VAV2: variants seen among roughly 807,000 people sequenced by gnomAD.
VAV2 encodes the protein guanine nucleotide exchange factor VAV2.
In VAV2, 67 loss-of-function variants were observed where a neutral mutation model predicts 132.5. The observed-to-expected ratio is 0.51, with a 90% confidence interval of 0.42 to 0.62. The LOEUF (loss-of-function observed/expected upper bound fraction) is 0.62, where lower values mean the gene tolerates loss of function less well. Ranked by LOEUF, VAV2 falls within the 20% of genes least tolerant of loss-of-function variation. The pLI is 0.00. For synonymous variants in VAV2, 492 were observed against 443.5 expected (o/e 1.11, Z -1.37); for missense variants, 938 against 1,153.6 (o/e 0.81, Z 2.71).
chr9:133,818,668 T>A (rs908845624), intron 4 of VAV2, among the ~76,000 whole-genome samples: 2 of 152,302 alleles, frequency 1.3e-5, no homozygotes, highest in East Asian at 3.9e-4. Flanking sequence ...CATAAGCCAA[T>A]TCCCATAATA....
chr9:133,790,845 G>A (rs570879764), intron 13 of VAV2, among the ~76,000 whole-genome samples: 6 of 152,194 alleles, frequency 3.9e-5, no homozygotes, highest in East Asian at 3.9e-4. Flanking sequence ...CCTGGCCATC[G>A]GGGACCTTCC....
chr9:133,857,995 C>T lies in VAV2; in HGVS notation c.380+3379G>A, dbSNP rs916353449. 2.0e-5 allele frequency among the ~76,000 whole-genome samples: 3 copies of T among 152,188 alleles called. No individual in the cohort carries two copies. Among genetic ancestry groups the T allele is most frequent in the Admixed American group, 1.3e-4 (2 of 15,282 alleles). Reference sequence around the variant, plus strand: ...CTTTGGCCTGCAAACACCTCCCCTTCGTCTCTCATGTCTGCCTATCCTGTG... The same window carrying T: ...CTTTGGCCTGCAAACACCTCCCCTTTGTCTCTCATGTCTGCCTATCCTGTG... On this transcript the variant is annotated intron_variant, in intron 3 of 29. Transcript: ENST00000371850. The surrounding 1 kb of genome is among the most constrained non-coding windows in gnomAD (Gnocchi z 4.0).
Position 133,790,128 on chromosome 9 carries a change from A to G in VAV2, c.1189-785T>C, listed in dbSNP as rs185058486. 7.7e-3 allele frequency among the ~76,000 whole-genome samples: 1,170 copies of G among 152,280 alleles called. 26 individuals are homozygous for G. Among genetic ancestry groups the G allele is most frequent in the Admixed American group, 0.043 (653 of 15,300 alleles). ...GGGATTCAGAGCCAGGACTGGGTAC[A>G]GGGCCTGGCTCATGGGGATGCTCGA... is the stretch of plus-strand genomic sequence containing the variant. On this transcript the variant is annotated intron_variant, in intron 13 of 29. Coordinates refer to ENST00000371850, the MANE Select transcript of VAV2 (RefSeq NM_001134398.2).
chr9:133,986,493 CTGCTGTTGGCTGGATGGAGACGGATTGA>C (rs1323447677), intron 1 of VAV2, among the ~76,000 whole-genome samples: 4 of 152,170 alleles, frequency 2.6e-5, no homozygotes, highest in African/African-American at 4.8e-5. Flanking sequence ...TCACGGATTG[CTGCTGTTGGCTGGATGGAGACGGATTGA>C]TGCTGTTGGC....
At chr9:133,822,545 G>A (rs114413676) in intron 4 of VAV2, among the ~76,000 whole-genome samples, 1 of 152,274 alleles carries the variant, frequency 6.6e-6, no homozygotes, top group African/African-American at 2.4e-5. Flanking sequence ...ACACGCCCTG[G>A]CAGACCCTCA....
chr9:133,818,498 C>G (rs1457536682), intron 4 of VAV2, among the ~76,000 whole-genome samples: 2 of 152,164 alleles, frequency 1.3e-5, no homozygotes, highest in Non-Finnish European at 2.9e-5. Context: ...CCAGCACCTG[C>G]CCATCCCACA....
intron 8 of VAV2, among the ~76,000 whole-genome samples, chr9:133,806,414 C>T (rs1835146173): frequency 6.6e-6 from 1 of 152,176 alleles, no homozygotes; most frequent in Admixed American, 6.5e-5. Flanking sequence ...CGCCCACAGC[C>T]CGCACCAGCC....
intron 13 of VAV2, among the ~76,000 whole-genome samples, 172 bp from the exon 14 acceptor site, chr9:133,789,515 A>G (rs192933323): frequency 1.5e-3 from 221 of 152,270 alleles, no homozygotes; most frequent in African/African-American, 5.2e-3. Context: ...TGGACGAGGG[A>G]GGGTGCAGAA....
chr9:133,937,616 G>A (rs1401490712), intron 2 of VAV2, among the ~76,000 whole-genome samples: 2 of 152,118 alleles, frequency 1.3e-5, no homozygotes, highest in Non-Finnish European at 2.9e-5. Context: ...CCAGGGTGCT[G>A]CAGGCAAATT....
intron 2 of VAV2, among the ~76,000 whole-genome samples, chr9:133,894,480 G>T (rs1031047139): frequency 2.0e-5 from 3 of 152,202 alleles, no homozygotes; most frequent in Admixed American, 1.3e-4. Flanking sequence ...CGCCCTCTGA[G>T]CCCAAAGGAG....
chr9:133,777,714 T>C (rs986890664), intron 22 of VAV2, among the ~76,000 whole-genome samples: 9 of 151,754 alleles, frequency 5.9e-5, no homozygotes, highest in Non-Finnish European at 1.0e-4. Flanking sequence ...CCCAAGAAGC[T>C]GGCAGCCCTG....
rs375292052 is a variant in VAV2 at position 133,770,510 on chromosome 9, C to A, written c.2224-9G>T. 1 of 1,613,368 alleles carries A rather than the reference C, an allele frequency of 6.2e-7. No individual in the cohort carries two copies. ...TAGTACTCCACCAACTCCTGCAGGG[C>A]GTACACACTCACTGACAGCTGCTGC... On this transcript the variant is annotated splice_polypyrimidine_tract_variant and intron_variant, in intron 26 of 29. Coordinates refer to ENST00000371850, the MANE Select transcript of VAV2 (RefSeq NM_001134398.2).
intron 1 of VAV2, among the ~76,000 whole-genome samples, chr9:133,982,665 C>T (rs1267899213): frequency 6.6e-6 from 1 of 152,140 alleles, no homozygotes; most frequent in South Asian, 2.1e-4. Flanking sequence ...TTTTGCAGGG[C>T]GCGCCGCCTG....
chr9:133,909,924 G>A (rs1354632942), intron 2 of VAV2, among the ~76,000 whole-genome samples: 2 of 152,152 alleles, frequency 1.3e-5, no homozygotes, highest in East Asian at 3.8e-4. Context: ...GCAAGGGCAG[G>A]GCTGGGGGCC....
chr9:133,939,806 C>T (rs541897689), intron 1 of VAV2, among the ~76,000 whole-genome samples: 1 of 152,238 alleles, frequency 6.6e-6, no homozygotes, highest in Admixed American at 6.5e-5. Flanking sequence ...AGGGGCCACC[C>T]CCAAGAAGCC....
chr9:133,988,217 T>A (rs565458570), intron 1 of VAV2, among the ~76,000 whole-genome samples: 7 of 151,906 alleles, frequency 4.6e-5, no homozygotes, highest in African/African-American at 1.7e-4. Flanking sequence ...CAGCCAGGGA[T>A]CACAGGCACC....
Position 133,788,235 on chromosome 9 carries a change from C to A in VAV2, c.1407+119G>T. ...CAGAGCGGAGACGCCCACCCCAACCCACCCGGCCAGCATCAGCGGCTGACT... is the reference window on the plus strand; with the variant it reads ...CAGAGCGGAGACGCCCACCCCAACCAACCCGGCCAGCATCAGCGGCTGACT... On this transcript the variant is annotated intron_variant, in intron 15 of 29. Coordinates refer to ENST00000371850, the MANE Select transcript of VAV2 (RefSeq NM_001134398.2). The surrounding 1 kb of genome is among the most constrained non-coding windows in gnomAD (Gnocchi z 5.3). The A allele has an allele frequency of 1.4e-5, 14 of 998,860 alleles. No individual in the cohort carries two copies. Among genetic ancestry groups the A allele is most frequent in the Non-Finnish European group, 2.1e-5 (14 of 680,460 alleles). The allele number at this position is 998,860 out of a possible 1,614,324, so 61.9% of individuals were successfully genotyped here.
At chr9:133,861,245 C>A in intron 3 of VAV2, 129 bp downstream of exon 3, 2 of 1,044,086 alleles carry the variant, frequency 1.9e-6, no homozygotes, top group Non-Finnish European at 2.6e-6. Flanking sequence ...CGCGACAACA[C>A]GCTGCAAATG....
At chr9:133,909,292 T>G (rs1349539132) in intron 2 of VAV2, among the ~76,000 whole-genome samples, 4 of 152,146 alleles carry the variant, frequency 2.6e-5, no homozygotes. Context: ...CCCAAGTCCC[T>G]GGCCTGGAAG....
Sources: allele counts gnomAD v4.1 joint callset (sites outside exome capture counted in the v4.1 genomes callset), GRCh38; gene constraint gnomAD v4.1.1; non-coding constraint Gnocchi (gnomAD v3.1); transcripts MANE v1.5; gene names NCBI Gene and HGNC (gene_info 2026-07-23, HGNC 2026-07-21).